EXOC2: variants seen among roughly 807,000 people sequenced by gnomAD.
The protein encoded by EXOC2 is exocyst complex component 2, also known as SEC5-like 1.
EXOC2 carries 70 observed loss-of-function variants against 131.8 expected under a neutral mutation model. The ratio of observed to expected loss-of-function variants is 0.53; its 90% CI spans 0.44 to 0.65. The LOEUF is 0.65. EXOC2 is among the 30% of genes least tolerant of loss of function. The pLI is 0.00. For synonymous variants in EXOC2, 411 were observed against 398.4 expected (o/e 1.03, Z -0.38); for missense variants, 923 against 1,108.6 (o/e 0.83, Z 2.38).
chr6:644,075 T>G (rs1462222338), intron 1 of EXOC2, among the ~76,000 whole-genome samples: 2 of 152,098 alleles, frequency 1.3e-5, no homozygotes, highest in Non-Finnish European at 2.9e-5. Context: ...CCTTCACAGA[T>G]GGATTCCATA....
chr6:589,446 G>T (rs1464506280), intron 11 of EXOC2, among the ~76,000 whole-genome samples: 1 of 152,210 alleles, frequency 6.6e-6, no homozygotes, highest in Non-Finnish European at 1.5e-5. Context: ...TCGTTGTTTA[G>T]GTTCAACTGA....
chr6:631,189 T>C (rs1761829150), intron 3 of EXOC2, among the ~76,000 whole-genome samples: 1 of 152,246 alleles, frequency 6.6e-6, no homozygotes, highest in Admixed American at 6.5e-5. Context: ...CTCGTGGTTC[T>C]GCCAGCATGC....
At chr6:657,996 T>C (rs11243053) in intron 1 of EXOC2, among the ~76,000 whole-genome samples, 4,122 of 152,326 alleles carry the variant, frequency 0.027, 158 homozygotes, top group African/African-American at 0.088. Flanking sequence ...GTCAAACCTA[T>C]TGACCTTTTC....
intron 1 of EXOC2, among the ~76,000 whole-genome samples, chr6:687,109 T>G (rs1469556057): frequency 1.3e-5 from 2 of 151,824 alleles, no homozygotes; most frequent in Admixed American, 1.3e-4. Flanking sequence ...TGTCAGGGTT[T>G]TATTTTCCCA....
chr6:595,417 T>C lies in EXOC2; in HGVS notation c.1073+2604A>G, dbSNP rs933546441. 3.7e-4 allele frequency among the ~76,000 whole-genome samples: 56 copies of C among 152,038 alleles called. 1 individual carries two copies. Among genetic ancestry groups the C allele is most frequent in the Non-Finnish European group, 4.4e-5 (3 of 68,030 alleles). ...TTTCATTTAAAAAGGTAACAATTGC[T>C]CAGTATTTTCTCAAAGCATCGTAAA... On this transcript the variant is annotated intron_variant, in intron 10 of 27. Transcript: ENST00000230449.
At chr6:569,816 T>G (rs1758169252) in intron 13 of EXOC2, among the ~76,000 whole-genome samples, 1 of 152,246 alleles carries the variant, frequency 6.6e-6, no homozygotes. Context: ...CACAACCAAT[T>G]AAGAGTCATT....
At chr6:650,359 A>T (rs180712623) in intron 1 of EXOC2, among the ~76,000 whole-genome samples, 38 of 152,366 alleles carry the variant, frequency 2.5e-4, no homozygotes, top group African/African-American at 8.4e-4. Flanking sequence ...TCTTGTTCCT[A>T]GGAGAGTCCT....
chr6:574,331 T>C (rs1257358249), intron 12 of EXOC2, among the ~76,000 whole-genome samples: 4 of 152,234 alleles, frequency 2.6e-5, no homozygotes, highest in Non-Finnish European at 4.4e-5. Context: ...GCCCTCATAC[T>C]TCCACCGGTG....
At chr6:527,189 C>A (rs1765793258) in intron 23 of EXOC2, among the ~76,000 whole-genome samples, 1 of 152,224 alleles carries the variant, frequency 6.6e-6, no homozygotes, top group Non-Finnish European at 1.5e-5. Context: ...GGTCTGTCTG[C>A]AGTTTTCCAT....
Position 529,557 on chromosome 6 carries a change from A to T in EXOC2, c.2380+2912T>A, listed in dbSNP as rs190629845. On this transcript the variant is annotated intron_variant, in intron 23 of 27. Transcript: ENST00000230449. ...TATAGTCATCACTGAAGCGCAGGAA[A>T]CTCAGAGGGGCTGTGTCATGATTTT... Among the ~76,000 whole-genome samples, 81 of 152,192 alleles carry T rather than the reference A, an allele frequency of 5.3e-4. No individual in the cohort carries two copies. In the South Asian group the frequency reaches 7.9e-3, roughly 15 times the overall value.
chr6:584,157 T>C (rs1220511422), intron 11 of EXOC2, among the ~76,000 whole-genome samples: 1 of 152,210 alleles, frequency 6.6e-6, no homozygotes, highest in Non-Finnish European at 1.5e-5. Flanking sequence ...TATGAAATTA[T>C]TTGCGTGGTT....
intron 6 of EXOC2, 96 bp from the exon 7 acceptor site, chr6:610,274 ATAT>A: frequency 9.1e-7 from 1 of 1,102,456 alleles, no homozygotes; most frequent in Non-Finnish European, 1.3e-6. Context: ...TAAAATGGTC[ATAT>A]TATTTTCACT....
chr6:536,658 A>G (rs565582738), intron 22 of EXOC2, among the ~76,000 whole-genome samples: 9 of 152,340 alleles, frequency 5.9e-5, no homozygotes, highest in Admixed American at 4.6e-4. Flanking sequence ...ATAAACCTAT[A>G]ATAAATAAAA....
At chr6:515,299 G>C (rs985227241) in intron 23 of EXOC2, among the ~76,000 whole-genome samples, 1 of 152,160 alleles carries the variant, frequency 6.6e-6, no homozygotes, top group Admixed American at 6.5e-5. Context: ...AGGTAGGTTA[G>C]GAAATGTGGG....
chr6:601,218 A>T (rs549271949), intron 7 of EXOC2, among the ~76,000 whole-genome samples: 1 of 149,150 alleles, frequency 6.7e-6, no homozygotes, highest in South Asian at 2.2e-4. Context: ...ATCCACACAC[A>T]TTCTCACACC....
Position 556,467 on chromosome 6 carries a change from G to A in EXOC2, c.1932+17C>T, listed in dbSNP as rs767579817. ...CTCCCTGGGAAACTGGAGTCCAAGC[G>A]GAGCTGGAATACTTACACTGGCCTC... On this transcript the variant is annotated intron_variant, in intron 18 of 27. Transcript: ENST00000230449. 25 of 1,612,776 alleles carry A rather than the reference G, an allele frequency of 1.6e-5. No individual in the cohort carries two copies. The highest frequency in any genetic ancestry group is 6.6e-5 in the South Asian group (6 of 90,774).
intron 13 of EXOC2, among the ~76,000 whole-genome samples, chr6:567,382 C>A (rs550547434): frequency 6.6e-6 from 1 of 152,178 alleles, no homozygotes. Context: ...CTCCAGAGAG[C>A]GGCCTTCCCT....
chr6:488,114 C>T (rs551994627), intron 27 of EXOC2, among the ~76,000 whole-genome samples: 45 of 152,306 alleles, frequency 3.0e-4, no homozygotes, highest in Admixed American at 1.2e-3. Context: ...GGGATGCGTG[C>T]GGGGCGGGGC....
At chr6:635,363 G>A (rs569112005) in intron 2 of EXOC2, among the ~76,000 whole-genome samples, 8 of 152,262 alleles carry the variant, frequency 5.3e-5, no homozygotes, top group African/African-American at 1.7e-4. Context: ...TTATTCATTG[G>A]GTCTCAGCTG....
Sources: gnomAD v4.1 joint callset for allele counts (sites outside exome capture counted in the v4.1 genomes callset) on GRCh38, gnomAD v4.1.1 for gene constraint, MANE v1.5 for transcripts, NCBI Gene and HGNC (gene_info 2026-07-23, HGNC 2026-07-21) for gene names.